RAB40C: variants seen among roughly 807,000 people sequenced by gnomAD.
RAB40C encodes the protein ras-related protein Rab-40C.
In RAB40C, 8 loss-of-function variants were observed where a neutral mutation model predicts 28.1. The ratio of observed to expected loss-of-function variants is 0.28; its 90% CI spans 0.17 to 0.51. The LOEUF is 0.51. Ranked by LOEUF, RAB40C falls within the 20% of genes least tolerant of loss-of-function variation. The pLI is 0.97. For synonymous variants in RAB40C, 201 were observed against 171.7 expected (o/e 1.17, Z -1.34); for missense variants, 288 against 405.9 (o/e 0.71, Z 2.50).
chr16:620,075 C>T (rs1039288938), intron 3 of RAB40C, among the ~76,000 whole-genome samples: 1 of 152,198 alleles, frequency 6.6e-6, no homozygotes, highest in South Asian at 2.1e-4. Context: ...CTCAAGGATG[C>T]ATTCCATGGG....
At chr16:623,899 G>T (rs2036772930) in intron 3 of RAB40C, 1 of 965,750 alleles carries the variant, frequency 1.0e-6, no homozygotes, top group Non-Finnish European at 1.2e-6. Context: ...GCCACTGCAT[G>T]AACCCCAGCC....
intron 1 of RAB40C, among the ~76,000 whole-genome samples, chr16:607,917 C>T (rs1213195628): frequency 2.6e-5 from 4 of 152,148 alleles, no homozygotes; most frequent in Non-Finnish European, 5.9e-5. Flanking sequence ...CTTCCTCCCC[C>T]TCCACTGCCC....
intron 1 of RAB40C, 64 bp downstream of exon 1, chr16:590,497 G>A: frequency 7.0e-7 from 1 of 1,429,288 alleles, no homozygotes. Context: ...TGGGCACGGA[G>A]CTCGCCCTCG....
rs139551643 is a variant in RAB40C, at chr16:600,479, A to G, written c.142+10046A>G. On this transcript the variant is annotated intron_variant, in intron 1 of 5. Transcript: ENST00000248139. ...TAAAGAGCTTTGGTGCCGGATGGGC[A>G]CGGTGGCTCACGCCTGTGATCCCAG... Among the ~76,000 whole-genome samples the G allele has an allele frequency of 3.6e-3, 552 of 152,264 alleles. 3 individuals are homozygous for G. Among genetic ancestry groups the G allele is most frequent in the African/African-American group, 0.012 (510 of 41,548 alleles).
chr16:597,778 C>T (rs1280132940), intron 1 of RAB40C, among the ~76,000 whole-genome samples: 1 of 151,714 alleles, frequency 6.6e-6, no homozygotes, highest in Non-Finnish European at 1.5e-5. Flanking sequence ...GCATGAGCCA[C>T]TGTGCCCAGC....
intron 1 of RAB40C, among the ~76,000 whole-genome samples, chr16:604,886 C>T (rs1056654488): frequency 6.6e-5 from 10 of 152,122 alleles, no homozygotes; most frequent in African/African-American, 1.9e-4. Flanking sequence ...ATGGTGAAAC[C>T]GTATCTCTAC....
Position 614,351 on chromosome 16 carries a change from G to A in RAB40C, c.143-2857G>A, listed in dbSNP as rs557285813. ...ACTGCTAACTCTGCCGCATCCCGAT[G>A]GTGAACTGCCAAACTTTACCTCGTC... On this transcript the variant is annotated intron_variant, in intron 1 of 5. Coordinates refer to ENST00000248139, the MANE Select transcript of RAB40C (RefSeq NM_021168.5). 3.6e-3 allele frequency among the ~76,000 whole-genome samples: 377 copies of A among 103,568 alleles called. 6 individuals are homozygous for A. Among genetic ancestry groups the A allele is most frequent in the African/African-American group, 0.013 (346 of 25,680 alleles). The allele number at this position is 103,568 out of a possible 152,430, so 67.9% of individuals were successfully genotyped here.
intron 1 of RAB40C, among the ~76,000 whole-genome samples, chr16:608,503 G>A (rs2036413423): frequency 6.6e-6 from 1 of 152,190 alleles, no homozygotes; most frequent in Non-Finnish European, 1.5e-5. Context: ...CTGCCAATCT[G>A]TGGCCCTCAG....
Position 605,276 on chromosome 16 carries a change from G to A in RAB40C, c.143-11932G>A, listed in dbSNP as rs931482008. Among the ~76,000 whole-genome samples, 4 of 152,210 alleles carry A rather than the reference G, an allele frequency of 2.6e-5. No individual in the cohort carries two copies. The South Asian group carries it at 8.3e-4, about 32-fold the overall frequency. The stretch of plus-strand genomic sequence containing the variant: ...GCCCCATTGTTTCATAGTCCCATCA[G>A]CAATGCATGAGAGTTCCAGGTGCTC... On this transcript the variant is annotated intron_variant, in intron 1 of 5. Transcript: ENST00000248139.
chr16:591,936 A>T (rs1464404877), intron 1 of RAB40C, among the ~76,000 whole-genome samples: 2 of 152,190 alleles, frequency 1.3e-5, no homozygotes, highest in Non-Finnish European at 2.9e-5. Flanking sequence ...GCTAAAATAC[A>T]CTAGATAGGT....
At chr16:608,645 A>C (rs181893988) in intron 1 of RAB40C, among the ~76,000 whole-genome samples, 705 of 152,294 alleles carry the variant, frequency 4.6e-3, no homozygotes, top group Non-Finnish European at 6.9e-3. Flanking sequence ...CGAGGCAGGC[A>C]GATCACTTGA....
chr16:611,571 T>C (rs1481928784), intron 1 of RAB40C, among the ~76,000 whole-genome samples: 5 of 151,808 alleles, frequency 3.3e-5, no homozygotes, highest in Admixed American at 3.3e-4. Context: ...CCCTGAAGAG[T>C]GTTGTTTCAC....
At chr16:613,475 G>A (rs887579869) in intron 1 of RAB40C, among the ~76,000 whole-genome samples, 5 of 152,266 alleles carry the variant, frequency 3.3e-5, no homozygotes, top group South Asian at 4.1e-4. Flanking sequence ...CACACTCAGC[G>A]GATGGAGGGC....
At chr16:625,081 G>T (rs988750639) in intron 3 of RAB40C, 2 of 1,290,480 alleles carry the variant, frequency 1.5e-6, no homozygotes, top group Non-Finnish European at 2.0e-6. Context: ...TGGACTGGCC[G>T]AGAGGACACT....
intron 1 of RAB40C, among the ~76,000 whole-genome samples, chr16:597,992 A>G (rs189219278): frequency 1.3e-5 from 2 of 151,434 alleles, no homozygotes; most frequent in Admixed American, 1.3e-4. Context: ...CACACCTGTA[A>G]TTCCAGCACT....
chr16:591,098 G>A (rs74000831), intron 1 of RAB40C, among the ~76,000 whole-genome samples: 1,928 of 149,484 alleles, frequency 0.013, 38 homozygotes, highest in African/African-American at 0.044. Context: ...AGCTGTCATG[G>A]GTCTGGGATC....
chr16:625,241 A>G, intron 3 of RAB40C, 191 bp from the exon 4 acceptor site: 7 of 1,443,690 alleles, frequency 4.8e-6, no homozygotes, highest in Non-Finnish European at 6.4e-6. Context: ...CAGTCCTGCC[A>G]GGTGAGGGCA....
At chr16:619,888 C>T (rs1051844285) in intron 3 of RAB40C, among the ~76,000 whole-genome samples, 7 of 152,202 alleles carry the variant, frequency 4.6e-5, no homozygotes, top group Non-Finnish European at 1.0e-4. Context: ...TACCTGCTGG[C>T]GGTGGGTGGG....
At chr16:603,444 G>A (rs1447022491) in intron 1 of RAB40C, among the ~76,000 whole-genome samples, 3 of 152,132 alleles carry the variant, frequency 2.0e-5, no homozygotes, top group Admixed American at 6.5e-5. Flanking sequence ...GCGGAGCGCC[G>A]GCCCCGCACG....
Sources: allele counts gnomAD v4.1 joint callset (sites outside exome capture counted in the v4.1 genomes callset), GRCh38; gene constraint gnomAD v4.1.1; transcripts MANE v1.5; gene names NCBI Gene and HGNC (gene_info 2026-07-23, HGNC 2026-07-21).